The following CMTM8 variants were observed in gnomAD, a reference collection of about 807,000 sequenced individuals.
The protein encoded by CMTM8 is CKLF like MARVEL transmembrane domain containing 8.
Under a neutral mutation model 18.6 loss-of-function variants are expected in CMTM8, and 12 were observed. The ratio of observed to expected loss-of-function variants is 0.65; its 90% CI spans 0.41 to 1.05. CMTM8 has a LOEUF of 1.05. Ranked by LOEUF, CMTM8 falls within the 50% of genes least tolerant of loss-of-function variation. The probability of loss-of-function intolerance (pLI) is 0.00; values close to 1 mark genes in which losing one functional copy is unlikely to be tolerated. For missense variants in CMTM8, 217 were observed against 227.2 expected (o/e 0.95, Z 0.29); for synonymous variants, 87 against 90.6 (o/e 0.96, Z 0.23).
At chr3:32,243,038 G>A (rs554878923) in intron 1 of CMTM8, among the ~76,000 whole-genome samples, 66 of 151,522 alleles carry the variant, frequency 4.4e-4, no homozygotes, top group African/African-American at 1.5e-3. Context: ...GATTATAGGC[G>A]TGCACCACCA....
intron 1 of CMTM8, among the ~76,000 whole-genome samples, chr3:32,340,682 A>G (rs1280310853): frequency 6.6e-6 from 1 of 152,260 alleles, no homozygotes; most frequent in African/African-American, 2.4e-5. Context: ...GTAGTGTGAA[A>G]ACAGCCATAG....
chr3:32,246,228 TGGACTTATTAAGG>T (rs764277694), intron 1 of CMTM8, among the ~76,000 whole-genome samples: 12 of 152,156 alleles, frequency 7.9e-5, no homozygotes, highest in Non-Finnish European at 1.6e-4. Flanking sequence ...TGATCCTGCA[TGGACTTATTAAGG>T]GCCCCCCTGC....
intron 1 of CMTM8, among the ~76,000 whole-genome samples, chr3:32,357,140 A>T (rs1231936267): frequency 6.6e-6 from 1 of 152,096 alleles, no homozygotes; most frequent in Non-Finnish European, 1.5e-5. Flanking sequence ...GCTACTTGGG[A>T]GGCTAAGGAA....
At chr3:32,318,716 G>A (rs944219391) in intron 1 of CMTM8, among the ~76,000 whole-genome samples, 5 of 150,810 alleles carry the variant, frequency 3.3e-5, no homozygotes, top group East Asian at 2.0e-4. Flanking sequence ...ACAGGCACCC[G>A]CCACCACGCC....
chr3:32,332,339 G>A (rs544761639), intron 1 of CMTM8, among the ~76,000 whole-genome samples: 2 of 152,272 alleles, frequency 1.3e-5, no homozygotes, highest in East Asian at 3.9e-4. Context: ...CTCAGGCGTA[G>A]ATAAGGAGGG....
intron 1 of CMTM8, among the ~76,000 whole-genome samples, chr3:32,337,225 G>A (rs759030045): frequency 6.6e-6 from 1 of 152,186 alleles, no homozygotes. Context: ...CATAAAGTTT[G>A]GGGGACACAT....
chr3:32,352,275 A>G (rs1696725659), intron 1 of CMTM8, among the ~76,000 whole-genome samples: 1 of 152,168 alleles, frequency 6.6e-6, no homozygotes, highest in Admixed American at 6.5e-5. Context: ...AAGCATTATA[A>G]GCATTCAAAA....
chr3:32,245,143 T>C (rs927649806), intron 1 of CMTM8, among the ~76,000 whole-genome samples: 6 of 152,178 alleles, frequency 3.9e-5, no homozygotes, highest in African/African-American at 1.4e-4. Flanking sequence ...TGTGTCTGTT[T>C]CAAACCTTTG....
At chr3:32,259,503 T>C (rs1702224879) in intron 1 of CMTM8, 5 of 779,788 alleles carry the variant, frequency 6.4e-6, no homozygotes, top group Admixed American at 1.7e-5. Flanking sequence ...TTCAAGGTCA[T>C]TGATGACACC....
chr3:32,292,898 GA>G (rs1702804801), intron 1 of CMTM8, among the ~76,000 whole-genome samples: 1 of 152,106 alleles, frequency 6.6e-6, no homozygotes. Flanking sequence ...CGTGCATTTT[GA>G]TTTTCACCCT....
At chr3:32,318,055 CAA>C (rs60403582) in intron 1 of CMTM8, among the ~76,000 whole-genome samples, 25,512 of 84,808 alleles carry the variant, frequency 0.3, 1,784 homozygotes, top group South Asian at 0.34. Context: ...AACTCTGTCT[CAA>C]AAAAAAAAAA....
At chr3:32,314,480 A>ATT (rs57318880) in intron 1 of CMTM8, among the ~76,000 whole-genome samples, 1 of 146,742 alleles carries the variant, frequency 6.8e-6, no homozygotes, top group Admixed American at 6.8e-5. Context: ...AAGCCAGAAA[A>ATT]TTTTTTTTTT....
intron 1 of CMTM8, among the ~76,000 whole-genome samples, chr3:32,321,110 G>C (rs1483944529): frequency 6.6e-6 from 1 of 151,884 alleles, no homozygotes; most frequent in Non-Finnish European, 1.5e-5. Flanking sequence ...TTATTTATAC[G>C]ACCCATCAAG....
Position 32,370,005 on chromosome 3 carries a change from G to T in CMTM8, c.*38G>T. The T allele has an allele frequency of 8.0e-7, 1 of 1,246,234 alleles. No individual in the cohort carries two copies. The highest frequency in any genetic ancestry group is 1.4e-5 in the South Asian group (1 of 72,874). The allele number at this position is 1,246,234 out of a possible 1,614,324, so 77.2% of individuals were successfully genotyped here. A position where few individuals can be genotyped will look rare whatever the true frequency, so the allele number is the denominator to read the frequency against. On this transcript the variant is annotated 3_prime_UTR_variant, in exon 4 of 4. Coordinates refer to ENST00000307526, the MANE Select transcript of CMTM8 (RefSeq NM_178868.5). ...ATAATTAAAAGGAAAAAAAAAGGAAGACTCTCACTGTAAAAACAGCTGTAG... is the reference window on the plus strand; with the variant it reads ...ATAATTAAAAGGAAAAAAAAAGGAATACTCTCACTGTAAAAACAGCTGTAG...
Position 32,368,004 on chromosome 3 carries a change from T to G in CMTM8, c.438+16T>G, listed in dbSNP as rs1211610664. 1 of 1,497,586 alleles carries G rather than the reference T, an allele frequency of 6.7e-7. No individual in the cohort carries two copies. Among genetic ancestry groups the G allele is most frequent in the African/African-American group, 1.4e-5 (1 of 72,614 alleles). The allele number at this position is 1,497,586 out of a possible 1,614,324, so 92.8% of individuals were successfully genotyped here. A position where few individuals can be genotyped will look rare whatever the true frequency, so the allele number is the denominator to read the frequency against. ...GGCCTCATCGGTGAGTAGCCCTCCA[T>G]CCCCACATGATCCTCCTCTTCCCTC... On this transcript the variant is annotated intron_variant, in intron 3 of 3. Coordinates refer to ENST00000307526, the MANE Select transcript of CMTM8 (RefSeq NM_178868.5).
Position 32,370,010 on chromosome 3 carries a change from T to A in CMTM8, c.*43T>A. Reference sequence around the variant, plus strand: ...TAAAAGGAAAAAAAAAGGAAGACTCTCACTGTAAAAACAGCTGTAGGTATA... The same window carrying A: ...TAAAAGGAAAAAAAAAGGAAGACTCACACTGTAAAAACAGCTGTAGGTATA... On this transcript the variant is annotated 3_prime_UTR_variant, in exon 4 of 4. Coordinates refer to ENST00000307526, the MANE Select transcript of CMTM8 (RefSeq NM_178868.5). The A allele has an allele frequency of 8.2e-7, 1 of 1,221,776 alleles. No individual in the cohort carries two copies. The highest frequency in any genetic ancestry group is 1.2e-6 in the Non-Finnish European group (1 of 848,328). 75.7% of individuals were successfully genotyped at this position (1,221,776 alleles called of 1,614,324 possible). A position where few individuals can be genotyped will look rare whatever the true frequency, so the allele number is the denominator to read the frequency against.
At chr3:32,319,057 C>CATACATACATAT (rs1206855049) in intron 1 of CMTM8, among the ~76,000 whole-genome samples, 1 of 45,884 alleles carries the variant, frequency 2.2e-5, no homozygotes, top group African/African-American at 9.8e-5. Context: ...TGTGTATATA[C>CATACATACATAT]ATATATATAT....
At chr3:32,275,042 C>T (rs946615722) in intron 1 of CMTM8, among the ~76,000 whole-genome samples, 2 of 152,138 alleles carry the variant, frequency 1.3e-5, no homozygotes, top group Admixed American at 1.3e-4. Flanking sequence ...CTCACTCAGT[C>T]GCCCTGGCTT....
At chr3:32,300,820 C>T (rs1008166692) in intron 1 of CMTM8, among the ~76,000 whole-genome samples, 14 of 152,086 alleles carry the variant, frequency 9.2e-5, no homozygotes, top group African/African-American at 2.7e-4. Context: ...ATTAGCTGGG[C>T]GTGGTGGCAC....
Sources: gnomAD v4.1 joint callset for allele counts (sites outside exome capture counted in the v4.1 genomes callset) on GRCh38, gnomAD v4.1.1 for gene constraint, MANE v1.5 for transcripts, NCBI Gene and HGNC (gene_info 2026-07-23, HGNC 2026-07-21) for gene names.